Variants in ANKS1B observed in about 807,000 individuals in gnomAD.
ANKS1B encodes the protein ankyrin repeat and sterile alpha motif domain-containing protein 1B.
In ANKS1B, 36 loss-of-function variants were observed where a neutral mutation model predicts 148.3. The observed-to-expected ratio is 0.24, with a 90% confidence interval of 0.19 to 0.32. ANKS1B has a LOEUF of 0.32. Among genes scored for constraint, ANKS1B ranks in the 10% least tolerant of loss-of-function variants. ANKS1B has a pLI of 1.00. For missense variants in ANKS1B, 1,157 were observed against 1,542.6 expected (o/e 0.75, Z 4.19); for synonymous variants, 542 against 560.8 (o/e 0.97, Z 0.47).
At chr12:99,455,946 T>C (rs1402846997) in intron 10 of ANKS1B, among the ~76,000 whole-genome samples, 1 of 152,154 alleles carries the variant, frequency 6.6e-6, no homozygotes, top group African/African-American at 2.4e-5. Flanking sequence ...CACCACCTCC[T>C]GGCTTGAGGA....
At chr12:99,335,191 C>T (rs1205098684) in intron 12 of ANKS1B, among the ~76,000 whole-genome samples, 2 of 151,028 alleles carry the variant, frequency 1.3e-5, no homozygotes, top group Non-Finnish European at 3.0e-5. Flanking sequence ...ATTTTTTAAG[C>T]TTTTAAAATT....
chr12:99,804,761 T>C (rs1310451943), intron 4 of ANKS1B, among the ~76,000 whole-genome samples: 1 of 152,170 alleles, frequency 6.6e-6, no homozygotes, highest in African/African-American at 2.4e-5. Flanking sequence ...TCCTTGAATA[T>C]GGGTTGCCTT....
rs146110554 is a variant in ANKS1B at position 99,522,033 on chromosome 12, GA to G, written c.1273-17393del. ...TGTTTGAGAAGCAGAGATTGGAGTC[GA>G]AAACCTTTTAAGTTTACCTGATGTT... On this transcript the variant is annotated intron_variant, in intron 9 of 26. Transcript: ENST00000683438. Among the ~76,000 whole-genome samples, 1,194 of 152,290 alleles carry G rather than the reference GA, an allele frequency of 7.8e-3. 11 individuals are homozygous for G. Among genetic ancestry groups the G allele is most frequent in the African/African-American group, 0.027 (1,112 of 41,554 alleles).
intron 12 of ANKS1B, among the ~76,000 whole-genome samples, chr12:99,255,799 T>A (rs1363585449): frequency 6.6e-6 from 1 of 152,186 alleles, no homozygotes; most frequent in Non-Finnish European, 1.5e-5. Flanking sequence ...TTTAACTTAA[T>A]TGAATTATTT....
chr12:99,234,970 G>A (rs560987229), intron 14 of ANKS1B, among the ~76,000 whole-genome samples: 23 of 152,184 alleles, frequency 1.5e-4, no homozygotes, highest in South Asian at 1.2e-3. Flanking sequence ...CACTTAGCAC[G>A]TAAGTAGTGT....
rs114832262 is a variant in ANKS1B at position 99,493,985 on chromosome 12, G to T, written c.1438+10491C>A. ...AAAAGTAAAAAGAATAAAGAGGACT[G>T]TTTACGAGCCTTGAGGAACTCTCAA... On this transcript the variant is annotated intron_variant, in intron 10 of 26. Coordinates refer to ENST00000683438, the MANE Select transcript of ANKS1B (RefSeq NM_001352186.2). Among the ~76,000 whole-genome samples the T allele has an allele frequency of 8.5e-3, 1,297 of 152,214 alleles. 14 individuals are homozygous for T. Among genetic ancestry groups the T allele is most frequent in the African/African-American group, 0.029 (1,205 of 41,504 alleles).
At chr12:99,970,099 A>G (rs1488786139) in intron 1 of ANKS1B, among the ~76,000 whole-genome samples, 1 of 152,234 alleles carries the variant, frequency 6.6e-6, no homozygotes, top group Non-Finnish European at 1.5e-5. Flanking sequence ...ACACCAGATT[A>G]GTGGTTCTCA....
chr12:99,670,615 C>CTCAAGGT (rs1391594488), intron 8 of ANKS1B, among the ~76,000 whole-genome samples: 1 of 152,004 alleles, frequency 6.6e-6, no homozygotes, highest in East Asian at 1.9e-4. Context: ...TGTAAAGACA[C>CTCAAGGT]ATATCTATAC....
intron 17 of ANKS1B, among the ~76,000 whole-genome samples, chr12:98,881,063 G>A (rs904431857): frequency 2.6e-5 from 4 of 152,066 alleles, no homozygotes; most frequent in Non-Finnish European, 5.9e-5. Flanking sequence ...TAAAAATTAG[G>A]CAAACACGTA....
chr12:98,869,080 T>C lies in ANKS1B; in HGVS notation c.2779-36944A>G, dbSNP rs546642243. Among the ~76,000 whole-genome samples, 41 of 152,292 alleles carry C rather than the reference T, an allele frequency of 2.7e-4. No homozygotes were observed. The South Asian group carries it at 6.6e-3, about 25-fold the overall frequency. ...GCCTGAAAACACTCCATGTGTCCCATGGTAGCTTGTTCTTTGGCCAAGTAG... is the reference window on the plus strand; with the variant it reads ...GCCTGAAAACACTCCATGTGTCCCACGGTAGCTTGTTCTTTGGCCAAGTAG... On this transcript the variant is annotated intron_variant, in intron 17 of 26. Coordinates refer to ENST00000683438, the MANE Select transcript of ANKS1B (RefSeq NM_001352186.2).
At position 99,632,727 on chromosome 12, in the gene ANKS1B, C is replaced by CTAGATATA. The variant is rs1419756181; in HGVS notation, c.1272+22339_1272+22340insTATATCTA. 3.2e-3 allele frequency among the ~76,000 whole-genome samples: 125 copies of CTAGATATA among 39,032 alleles called. 7 individuals carry two copies. Among genetic ancestry groups the CTAGATATA allele is most frequent in the East Asian group, 0.026 (25 of 980 alleles). The allele number at this position is 39,032 out of a possible 152,430, so 25.6% of individuals were successfully genotyped here. On this transcript the variant is annotated intron_variant, in intron 9 of 26. Coordinates refer to ENST00000683438, the MANE Select transcript of ANKS1B (RefSeq NM_001352186.2). Reference sequence around the variant, plus strand: ...TTTGGCCTGTGTCTTCCTTTTCTTTCTATATATATATATATATATATATAT... The same window carrying CTAGATATA: ...TTTGGCCTGTGTCTTCCTTTTCTTTCTAGATATATATATATATATATATATATATATAT...
intron 17 of ANKS1B, among the ~76,000 whole-genome samples, chr12:99,038,137 C>A (rs1487656753): frequency 3.9e-5 from 6 of 152,152 alleles, no homozygotes; most frequent in Non-Finnish European, 8.8e-5. Flanking sequence ...TCAGTAGAAT[C>A]ATTTGTTTTA....
chr12:99,476,597 GA>G (rs1023942413), intron 10 of ANKS1B, among the ~76,000 whole-genome samples: 1 of 152,080 alleles, frequency 6.6e-6, no homozygotes, highest in African/African-American at 2.4e-5. Context: ...ACAACTATTT[GA>G]AAAGGAGCTT....
intron 1 of ANKS1B, among the ~76,000 whole-genome samples, chr12:99,963,689 C>T (rs1048283935): frequency 7.9e-5 from 12 of 152,200 alleles, no homozygotes; most frequent in African/African-American, 2.9e-4. Flanking sequence ...TTATAGTTTC[C>T]TGATAGTAAC....
At chr12:99,617,373 G>T (rs1343632225) in intron 9 of ANKS1B, among the ~76,000 whole-genome samples, 2 of 152,078 alleles carry the variant, frequency 1.3e-5, no homozygotes, top group African/African-American at 4.8e-5. Flanking sequence ...CAATAGCAAA[G>T]ACTTGGAACC....
At chr12:99,582,616 G>C (rs956958612) in intron 9 of ANKS1B, among the ~76,000 whole-genome samples, 4 of 152,164 alleles carry the variant, frequency 2.6e-5, no homozygotes, top group African/African-American at 9.7e-5. Context: ...CTATTAGTAT[G>C]TAAATGAAGA....
chr12:99,204,081 C>T (rs2082366092), intron 14 of ANKS1B, among the ~76,000 whole-genome samples: 1 of 152,122 alleles, frequency 6.6e-6, no homozygotes, highest in African/African-American at 2.4e-5. Flanking sequence ...CTGTTAGTCA[C>T]TACATAAGAG....
At chr12:99,928,364 C>T (rs10778033) in intron 1 of ANKS1B, among the ~76,000 whole-genome samples, 92,197 of 148,372 alleles carry the variant, frequency 0.62, 30,123 homozygotes, top group African/African-American at 0.75. Context: ...CTGCAAGCTC[C>T]GCTTCCCGGG....
intron 8 of ANKS1B, among the ~76,000 whole-genome samples, chr12:99,690,436 T>C (rs982954110): frequency 2.0e-5 from 3 of 152,130 alleles, no homozygotes; most frequent in African/African-American, 7.2e-5. Flanking sequence ...ACAAGGCAAG[T>C]CCCTTCCACC....
Sources: allele counts gnomAD v4.1 joint callset (sites outside exome capture counted in the v4.1 genomes callset), GRCh38; gene constraint gnomAD v4.1.1; transcripts MANE v1.5; gene names NCBI Gene and HGNC (gene_info 2026-07-23, HGNC 2026-07-21).